Variants in CRTC1 observed in about 807,000 individuals in gnomAD.
CRTC1 encodes the protein CREB-regulated transcription coactivator 1.
CRTC1 carries 18 observed loss-of-function variants against 66.1 expected under a neutral mutation model. The ratio of observed to expected loss-of-function variants is 0.27; its 90% CI spans 0.19 to 0.40. The LOEUF is 0.40. Ranked by LOEUF, CRTC1 falls within the 10% of genes least tolerant of loss-of-function variation. The probability of loss-of-function intolerance (pLI) is 1.00; values close to 1 mark genes in which losing one functional copy is unlikely to be tolerated. For synonymous variants in CRTC1, 416 were observed against 398.8 expected (o/e 1.04, Z -0.51); for missense variants, 669 against 887.9 (o/e 0.75, Z 3.13).
At chr19:18,688,786 C>T (rs1275180279) in intron 1 of CRTC1, among the ~76,000 whole-genome samples, 1 of 152,088 alleles carries the variant, frequency 6.6e-6, no homozygotes, top group Non-Finnish European at 1.5e-5. Flanking sequence ...CCATGGCATT[C>T]CGCCACTCAG....
intron 1 of CRTC1, among the ~76,000 whole-genome samples, chr19:18,726,088 T>C (rs1160121691): frequency 6.6e-6 from 1 of 152,246 alleles, no homozygotes; most frequent in African/African-American, 2.4e-5. Context: ...CTCCTTGTTC[T>C]CCCAGCTGGT....
At chr19:18,700,445 C>T (rs977888327) in intron 1 of CRTC1, among the ~76,000 whole-genome samples, 1 of 152,092 alleles carries the variant, frequency 6.6e-6, no homozygotes, top group Admixed American at 6.5e-5. Context: ...GGCCGCCCTT[C>T]TCTTCCCTTT....
Position 18,768,453 on chromosome 19 carries a change from C to G in CRTC1, c.1012-32C>G. On this transcript the variant is annotated intron_variant, in intron 9 of 13. Coordinates refer to ENST00000321949, the MANE Select transcript of CRTC1 (RefSeq NM_015321.3). The surrounding 1 kb of genome is among the most constrained non-coding windows in gnomAD (Gnocchi z 5.6). ...GGGGGCCAGGCGCTGACAACCAGGGCCCGCCCTGCCTGACGCTCTCCTCTC... is the reference window on the plus strand; with the variant it reads ...GGGGGCCAGGCGCTGACAACCAGGGGCCGCCCTGCCTGACGCTCTCCTCTC... 1 of 1,593,742 alleles carries G rather than the reference C, an allele frequency of 6.3e-7. No individual in the cohort carries two copies.
chr19:18,741,400 C>T lies in CRTC1; in HGVS notation c.127-1510C>T, dbSNP rs540358467. 3.9e-5 allele frequency among the ~76,000 whole-genome samples: 6 copies of T among 152,322 alleles called. No homozygotes were observed. The highest frequency in any genetic ancestry group is 1.9e-4 in the East Asian group (1 of 5,188). ...CCCGCCTGTAGCACTCACTCTAGGT[C>T]GGGGACACAGGTCCAGGAGGGGTCA... On this transcript the variant is annotated intron_variant, in intron 1 of 13. Coordinates refer to ENST00000321949, the MANE Select transcript of CRTC1 (RefSeq NM_015321.3). This position sits in a 1 kb window ranked among gnomAD's most constrained non-coding sequence, Gnocchi z 4.2.
At chr19:18,736,735 G>A (rs1009696196) in intron 1 of CRTC1, among the ~76,000 whole-genome samples, 2 of 152,152 alleles carry the variant, frequency 1.3e-5, no homozygotes, top group Non-Finnish European at 2.9e-5. Context: ...GGCCTGACTG[G>A]CACAGACAGC....
At chr19:18,770,609 C>T (rs553423631) in intron 10 of CRTC1, among the ~76,000 whole-genome samples, 6 of 151,650 alleles carry the variant, frequency 4.0e-5, no homozygotes, top group South Asian at 4.2e-4. Context: ...TGGGTGGGTG[C>T]GGGTGTATGT....
At chr19:18,744,174 T>G in intron 2 of CRTC1, 1 of 1,609,258 alleles carries the variant, frequency 6.2e-7, no homozygotes, top group Non-Finnish European at 8.5e-7. Context: ...GCCCCCAGGC[T>G]GAGGCCGCGG....
chr19:18,695,647 C>T (rs1214844347), intron 1 of CRTC1, among the ~76,000 whole-genome samples: 1 of 152,066 alleles, frequency 6.6e-6, no homozygotes, highest in Non-Finnish European at 1.5e-5. Context: ...AGGCAGATCA[C>T]GAGGTCAGGA....
intron 1 of CRTC1, among the ~76,000 whole-genome samples, chr19:18,742,517 A>G (rs994424846): frequency 1.3e-5 from 2 of 152,188 alleles, no homozygotes; most frequent in African/African-American, 4.8e-5. Flanking sequence ...TGGCCTGCCA[A>G]GTCACAGCCT....
chr19:18,773,315 C>T (rs901905948), intron 11 of CRTC1, among the ~76,000 whole-genome samples: 2 of 152,208 alleles, frequency 1.3e-5, no homozygotes, highest in Admixed American at 6.5e-5. Flanking sequence ...TGAGTAGCCA[C>T]TGTGTGCACC....
At chr19:18,744,574 G>A (rs866396974) in intron 2 of CRTC1, among the ~76,000 whole-genome samples, 2 of 152,332 alleles carry the variant, frequency 1.3e-5, no homozygotes, top group South Asian at 2.1e-4. Context: ...GCGAGCCCGG[G>A]TGTGGCCAGC....
chr19:18,702,660 G>A (rs1247183238), intron 1 of CRTC1, among the ~76,000 whole-genome samples: 1 of 149,764 alleles, frequency 6.7e-6, no homozygotes, highest in Admixed American at 6.7e-5. Context: ...TCAGCCTCCC[G>A]AGTAGCTGGG....
intron 5 of CRTC1, among the ~76,000 whole-genome samples, chr19:18,751,568 G>A (rs2054364265): frequency 6.6e-6 from 1 of 152,094 alleles, no homozygotes; most frequent in Admixed American, 6.6e-5. Flanking sequence ...CTCTTACCTT[G>A]ACTGAAAGAT....
chr19:18,760,357 G>A lies in CRTC1; in HGVS notation c.886+129G>A, dbSNP rs2054586950. 1.0e-5 allele frequency: 8 copies of A among 790,974 alleles called. No homozygotes were observed. The highest frequency in any genetic ancestry group is 1.7e-5 in the South Asian group (1 of 58,172). 49.0% of individuals were successfully genotyped at this position (790,974 alleles called of 1,614,324 possible). A position where few individuals can be genotyped will look rare whatever the true frequency, so the allele number is the denominator to read the frequency against. On this transcript the variant is annotated intron_variant, in intron 8 of 13. Transcript: ENST00000321949. This position sits in a 1 kb window ranked among gnomAD's most constrained non-coding sequence, Gnocchi z 6.2. ...TGGGGGACAGGGCTGGGGGGCGGCC[G>A]ACAGGCTGACCCAGCGGGCACAGGC...
chr19:18,758,557 G>C (rs1204364452), intron 6 of CRTC1, among the ~76,000 whole-genome samples: 1 of 152,082 alleles, frequency 6.6e-6, no homozygotes, highest in Non-Finnish European at 1.5e-5. Context: ...GGCTACCCAA[G>C]CCCTAGTCAG....
intron 6 of CRTC1, among the ~76,000 whole-genome samples, chr19:18,756,868 C>T (rs2054499938): frequency 6.6e-6 from 1 of 152,116 alleles, no homozygotes; most frequent in South Asian, 2.1e-4. Flanking sequence ...TCAAAGTATT[C>T]TTGAGAACGT....
chr19:18,780,277 C>G lies in CRTC1; in HGVS notation c.*2895C>G, dbSNP rs556932274. 6 of 231,116 alleles carry G rather than the reference C, an allele frequency of 2.6e-5. No homozygotes were observed. Among genetic ancestry groups the G allele is most frequent in the African/African-American group, 1.3e-4 (6 of 45,196 alleles). The allele number at this position is 231,116 out of a possible 1,614,324, so 14.3% of individuals were successfully genotyped here. Reference sequence around the variant, plus strand: ...TCTGCAGACCCTCTGCTGGGTACATCGGTCCCCTACGGCGAAGTTCAGCCA... The same window carrying G: ...TCTGCAGACCCTCTGCTGGGTACATGGGTCCCCTACGGCGAAGTTCAGCCA... On this transcript the variant is annotated 3_prime_UTR_variant, in exon 14 of 14. Transcript: ENST00000321949.
chr19:18,689,143 TG>T (rs2052761083), intron 1 of CRTC1, among the ~76,000 whole-genome samples: 1 of 151,214 alleles, frequency 6.6e-6, no homozygotes, highest in Admixed American at 6.6e-5. Flanking sequence ...GACAGGGTTT[TG>T]CCATGTTGGG....
chr19:18,747,396 G>T (rs576692245), intron 4 of CRTC1, among the ~76,000 whole-genome samples: 60 of 152,204 alleles, frequency 3.9e-4, no homozygotes, highest in African/African-American at 1.4e-3. Context: ...CAGCACTTTG[G>T]GGGGCCGAGG....
Sources: gnomAD v4.1 joint callset for allele counts (sites outside exome capture counted in the v4.1 genomes callset) on GRCh38, gnomAD v4.1.1 for gene constraint, Gnocchi (gnomAD v3.1) non-coding constraint, MANE v1.5 for transcripts, NCBI Gene and HGNC (gene_info 2026-07-23, HGNC 2026-07-21) for gene names.